The following ZMYM1 variants were observed in gnomAD, a reference collection of about 807,000 sequenced individuals.
The protein encoded by ZMYM1 is zinc finger MYM-type protein 1.
Under a neutral mutation model 60.0 loss-of-function variants are expected in ZMYM1, and 39 were observed. That is an observed-to-expected ratio of 0.65 (90% confidence interval 0.50 to 0.85). ZMYM1 has a LOEUF of 0.85. Among genes scored for constraint, ZMYM1 ranks in the 40% least tolerant of loss-of-function variants. The pLI is 0.00. For synonymous variants in ZMYM1, 413 were observed against 454.0 expected (o/e 0.91, Z 1.15); for missense variants, 1,171 against 1,309.5 (o/e 0.89, Z 1.63).
chr1:35,079,925 A>T (rs1020144898), intron 1 of ZMYM1, among the ~76,000 whole-genome samples: 4 of 152,204 alleles, frequency 2.6e-5, no homozygotes, highest in African/African-American at 7.2e-5. Flanking sequence ...CAGCCTGGCC[A>T]ACATGGCAAA....
chr1:35,099,865 T>G (rs1358660867), intron 4 of ZMYM1, among the ~76,000 whole-genome samples: 1 of 152,042 alleles, frequency 6.6e-6, no homozygotes, highest in African/African-American at 2.4e-5. Flanking sequence ...GTGCTGATTT[T>G]CAGTTTTGTT....
chr1:35,113,174 A>T lies in ZMYM1; in HGVS notation c.1344A>T (p.Lys448Asn). 1.2e-6 allele frequency: 2 copies of T among 1,613,700 alleles called. No homozygotes were observed. Among genetic ancestry groups the T allele is most frequent in the Non-Finnish European group, 1.7e-6 (2 of 1,179,804 alleles). The change falls in exon 10 of 10, where the codon AAA becomes AAT. Residue 448 changes from lysine (K) to asparagine (N), a missense_variant. By Grantham distance (94) the Lys-to-Asn change is moderately conservative. Coordinates refer to ENST00000359858, the MANE Select transcript of ZMYM1 (RefSeq NM_024772.5). ...CAAAATGTACATCCAAAGTACAAAA[A>T]GTTAAAGGTAAATCACGAAGTATTA... ...CHPKCTSKVQKVKGKSRSIKK... is the reference protein window; with the variant it reads ...CHPKCTSKVQNVKGKSRSIKK...
chr1:35,066,745 A>G (rs1641979712), intron 1 of ZMYM1, among the ~76,000 whole-genome samples: 1 of 152,140 alleles, frequency 6.6e-6, no homozygotes. Flanking sequence ...TGGTAATTGC[A>G]CCTGTTGCAC....
chr1:35,063,126 CTTT>C (rs34272747), intron 1 of ZMYM1, among the ~76,000 whole-genome samples: 5 of 136,640 alleles, frequency 3.7e-5, no homozygotes, highest in Non-Finnish European at 1.6e-5. Flanking sequence ...CAAGCCTTTT[CTTT>C]TTTTTTTTTT....
chr1:35,105,801 TTAC>T (rs1299664211), intron 6 of ZMYM1, among the ~76,000 whole-genome samples: 1 of 152,122 alleles, frequency 6.6e-6, no homozygotes, highest in Non-Finnish European at 1.5e-5. Context: ...AGACAAGCTC[TTAC>T]TATGTTGCCC....
Position 35,114,152 on chromosome 1 carries a change from G to A in ZMYM1, c.2322G>A (p.Leu774=), listed in dbSNP as rs780412820. 6.2e-7 allele frequency: 1 copy of A among 1,610,374 alleles called. No individual in the cohort carries two copies. The highest frequency in any genetic ancestry group is 1.3e-5 in the African/African-American group (1 of 74,690). ...LRSALKTLSS[L]FNTICMSGEM... is the part of the protein sequence containing the mutation. ...GTGCTCTAAAAACTCTCAGTTCTTTGTTCAACACTATTTGTATGTCTGGGG... is the reference window on the plus strand; with the variant it reads ...GTGCTCTAAAAACTCTCAGTTCTTTATTCAACACTATTTGTATGTCTGGGG... Residue 774 remains leucine (L), a synonymous_variant, in exon 10 of 10, where the codon TTG becomes TTA. Transcript: ENST00000359858.
At chr1:35,085,728 C>T (rs1642618671) in intron 1 of ZMYM1, among the ~76,000 whole-genome samples, 1 of 152,192 alleles carries the variant, frequency 6.6e-6, no homozygotes, top group Non-Finnish European at 1.5e-5. Flanking sequence ...ACATGCCAGC[C>T]ACCTAGCTCT....
chr1:35,061,472 A>C (rs997279229), intron 1 of ZMYM1, among the ~76,000 whole-genome samples: 2 of 152,174 alleles, frequency 1.3e-5, no homozygotes, highest in Non-Finnish European at 2.9e-5. Flanking sequence ...AGATACATAG[A>C]TAGATAGAAA....
chr1:35,100,582 A>G (rs1354604157), intron 4 of ZMYM1, among the ~76,000 whole-genome samples: 2 of 151,352 alleles, frequency 1.3e-5, no homozygotes, highest in East Asian at 3.9e-4. Context: ...AGATTGTACG[A>G]CTGCACTCCA....
At chr1:35,116,875 G>A (rs1389822544), downstream of ZMYM1, among the ~76,000 whole-genome samples, 19 of 104,698 alleles carry the variant, frequency 1.8e-4, no homozygotes, top group Non-Finnish European at 2.7e-4. Flanking sequence ...ACGGAGTCTC[G>A]CTCTGTCGCC....
intron 1 of ZMYM1, among the ~76,000 whole-genome samples, chr1:35,063,660 A>C (rs1212515578): frequency 6.6e-6 from 1 of 152,096 alleles, no homozygotes; most frequent in Non-Finnish European, 1.5e-5. Context: ...AACAACAACA[A>C]CAAAAAAATG....
intron 6 of ZMYM1, among the ~76,000 whole-genome samples, chr1:35,106,821 C>T (rs1346678125): frequency 6.6e-6 from 1 of 151,136 alleles, no homozygotes; most frequent in Non-Finnish European, 1.5e-5. Context: ...CTCAATAGGC[C>T]TTGTTCTGGG....
chr1:35,079,295 C>T (rs1355098154), upstream of ZMYM1: 1 of 152,292 alleles, frequency 6.6e-6, no homozygotes, highest in African/African-American at 2.4e-5. Flanking sequence ...TCGCTCTTCC[C>T]AATTCAGGGA....
intron 9 of ZMYM1, among the ~76,000 whole-genome samples, chr1:35,112,734 T>G (rs1244157535): frequency 6.6e-6 from 1 of 151,146 alleles, no homozygotes; most frequent in Non-Finnish European, 1.5e-5. Flanking sequence ...CTACACAATT[T>G]GAGTCATCTG....
downstream of ZMYM1, among the ~76,000 whole-genome samples, chr1:35,117,669 A>G (rs991826370): frequency 1.1e-4 from 16 of 151,680 alleles, no homozygotes; most frequent in Non-Finnish European, 2.2e-4. Flanking sequence ...GGCCTGGCGC[A>G]GTGGCTCACA....
chr1:35,085,529 C>G (rs1245749841), intron 1 of ZMYM1, among the ~76,000 whole-genome samples: 2 of 152,164 alleles, frequency 1.3e-5, no homozygotes, highest in Non-Finnish European at 2.9e-5. Context: ...CCCTTTCCCT[C>G]TGGCCCAAAG....
intron 1 of ZMYM1, among the ~76,000 whole-genome samples, chr1:35,073,250 CAAAAAAA>C (rs71029061): frequency 4.3e-5 from 3 of 69,246 alleles, no homozygotes; most frequent in African/African-American, 1.4e-4. Flanking sequence ...AACACTCTGT[CAAAAAAA>C]AAAAAAAAAA....
intron 1 of ZMYM1, among the ~76,000 whole-genome samples, chr1:35,073,068 T>G (rs1317761971): frequency 2.0e-5 from 3 of 148,774 alleles, no homozygotes; most frequent in African/African-American, 7.5e-5. Context: ...GGTGACAGAG[T>G]GAGATTCCAT....
intron 1 of ZMYM1, among the ~76,000 whole-genome samples, chr1:35,064,523 A>G (rs537811965): frequency 6.6e-6 from 1 of 152,056 alleles, no homozygotes; most frequent in East Asian, 1.9e-4. Context: ...TACATGAGGA[A>G]CATTTACCGA....
Sources: gnomAD v4.1 joint callset for allele counts (sites outside exome capture counted in the v4.1 genomes callset) on GRCh38, gnomAD v4.1.1 for gene constraint, MANE v1.5 for transcripts, NCBI Gene and HGNC (gene_info 2026-07-23, HGNC 2026-07-21) for gene names.